KCND2: variants seen among roughly 807,000 people sequenced by gnomAD.
The protein encoded by KCND2 is potassium voltage-gated channel subfamily D member 2, also known as A-type voltage-gated potassium channel KCND2.
A neutral mutation model predicts 54.4 loss-of-function variants in KCND2; 16 were observed. The observed-to-expected ratio is 0.29, with a 90% CI of 0.20 to 0.45. The LOEUF (loss-of-function observed/expected upper bound fraction) is 0.45, where lower values mean the gene tolerates loss of function less well. KCND2 is among the 20% of genes least tolerant of loss of function. The pLI is 1.00. For missense variants in KCND2, 486 were observed against 824.2 expected, an observed-to-expected ratio of 0.59 and a Z score of 5.02; for synonymous variants, 317 against 310.7, an observed-to-expected ratio of 1.02 and a Z score of -0.21.
chr7:120,549,523 T>C (rs866827435), intron 1 of KCND2, among the ~76,000 whole-genome samples: 2 of 152,212 alleles, frequency 1.3e-5, no homozygotes, highest in Non-Finnish European at 2.9e-5. Flanking sequence ...TCATCTGTTA[T>C]TACTTAACTG....
chr7:120,572,209 G>A (rs1792374812), intron 1 of KCND2, among the ~76,000 whole-genome samples: 2 of 150,156 alleles, frequency 1.3e-5, no homozygotes, highest in African/African-American at 2.5e-5. Context: ...TTAAAATACA[G>A]CCCATTGATT....
At chr7:120,532,152 A>C (rs564380842) in intron 1 of KCND2, among the ~76,000 whole-genome samples, 2 of 152,226 alleles carry the variant, frequency 1.3e-5, no homozygotes, top group East Asian at 3.9e-4. Context: ...AATGTCAATC[A>C]TATTGTAGTT....
intron 1 of KCND2, among the ~76,000 whole-genome samples, chr7:120,517,618 T>G (rs1370714608): frequency 6.6e-6 from 1 of 152,148 alleles, no homozygotes; most frequent in Non-Finnish European, 1.5e-5. Flanking sequence ...CTCTTAAATT[T>G]GTTATGCAGA....
At chr7:120,308,522 G>A (rs1584722770) in intron 1 of KCND2, among the ~76,000 whole-genome samples, 1 of 152,300 alleles carries the variant, frequency 6.6e-6, no homozygotes, top group East Asian at 1.9e-4. Context: ...AAGGTTTCAA[G>A]TGGCCTAGGC....
At chr7:120,450,168 T>A (rs959007601) in intron 1 of KCND2, among the ~76,000 whole-genome samples, 3 of 152,192 alleles carry the variant, frequency 2.0e-5, no homozygotes, top group Admixed American at 6.5e-5. Context: ...ATCCCAGCAC[T>A]TTTTGAGGCC....
intron 1 of KCND2, among the ~76,000 whole-genome samples, chr7:120,572,277 AAG>A (rs2116428009): frequency 6.6e-6 from 1 of 152,256 alleles, no homozygotes; most frequent in Admixed American, 6.5e-5. Flanking sequence ...ATTAATGTGA[AAG>A]AAGTGAATGT....
chr7:120,401,777 T>C (rs767397869), intron 1 of KCND2, among the ~76,000 whole-genome samples: 6 of 152,192 alleles, frequency 3.9e-5, no homozygotes, highest in Non-Finnish European at 5.9e-5. Flanking sequence ...CCCTTTCCTA[T>C]AGTAGCACTT....
At chr7:120,369,095 G>A (rs1174352772) in intron 1 of KCND2, among the ~76,000 whole-genome samples, 1 of 151,856 alleles carries the variant, frequency 6.6e-6, no homozygotes, top group African/African-American at 2.4e-5. Context: ...ATGTACATGA[G>A]TTAGAGTTTG....
intron 1 of KCND2, among the ~76,000 whole-genome samples, chr7:120,505,201 G>A (rs149704331): frequency 1.4e-4 from 21 of 151,596 alleles, no homozygotes; most frequent in African/African-American, 5.1e-4. Flanking sequence ...AGTATGTCAG[G>A]TGAAGACTGG....
intron 1 of KCND2, among the ~76,000 whole-genome samples, chr7:120,503,795 G>A (rs73721404): frequency 6.6e-6 from 1 of 151,974 alleles, no homozygotes; most frequent in Admixed American, 6.6e-5. Flanking sequence ...TATTCAATTT[G>A]GGGGGAGTCA....
At chr7:120,453,716 A>G (rs920885951) in intron 1 of KCND2, among the ~76,000 whole-genome samples, 39 of 152,220 alleles carry the variant, frequency 2.6e-4, no homozygotes, top group Admixed American at 2.4e-3. Context: ...AAACGAATAT[A>G]TTAATACTAG....
intron 1 of KCND2, among the ~76,000 whole-genome samples, chr7:120,334,720 C>T (rs1800119578): frequency 6.6e-6 from 1 of 152,160 alleles, no homozygotes; most frequent in African/African-American, 2.4e-5. Context: ...CTCATCTTAA[C>T]ATTCTAGTAG....
rs575486780 is a variant in KCND2 at position 120,505,352 on chromosome 7, G to A, written c.1116-227551G>A. On this transcript the variant is annotated intron_variant, in intron 1 of 5. Coordinates refer to ENST00000331113, the MANE Select transcript of KCND2 (RefSeq NM_012281.3). ...GAGTACGAAGGAAAAAAAACAAGACGGAGAAACAGAATTTGTATTTCCTAT... is the reference window on the plus strand; with the variant it reads ...GAGTACGAAGGAAAAAAAACAAGACAGAGAAACAGAATTTGTATTTCCTAT... Among the ~76,000 whole-genome samples the A allele has an allele frequency of 3.3e-5, 5 of 151,580 alleles. No individual in the cohort carries two copies. The South Asian group carries it at 8.3e-4, about 25-fold the overall frequency.
intron 1 of KCND2, among the ~76,000 whole-genome samples, chr7:120,513,141 G>A (rs1471891843): frequency 3.3e-5 from 5 of 152,032 alleles, no homozygotes; most frequent in African/African-American, 1.2e-4. Flanking sequence ...AATGAATGGA[G>A]CAATTTTTTG....
chr7:120,712,718 G>A (rs560302749), intron 1 of KCND2, among the ~76,000 whole-genome samples: 9 of 152,206 alleles, frequency 5.9e-5, no homozygotes, highest in South Asian at 2.1e-4. Flanking sequence ...AGAAGGAAAC[G>A]AAAAGAAATA....
chr7:120,461,079 T>G (rs1227478895), intron 1 of KCND2, among the ~76,000 whole-genome samples: 6 of 152,164 alleles, frequency 3.9e-5, no homozygotes, highest in Non-Finnish European at 5.9e-5. Context: ...ATGCCAAAAT[T>G]CACAAGACAA....
At chr7:120,675,112 C>T (rs1365887982) in intron 1 of KCND2, among the ~76,000 whole-genome samples, 5 of 151,860 alleles carry the variant, frequency 3.3e-5, no homozygotes, top group African/African-American at 1.2e-4. Flanking sequence ...AATTACTCAA[C>T]TTTCTTATCT....
chr7:120,386,524 A>G (rs1380823809), intron 1 of KCND2, among the ~76,000 whole-genome samples: 1 of 152,172 alleles, frequency 6.6e-6, no homozygotes, highest in Non-Finnish European at 1.5e-5. Context: ...ACAATTACAA[A>G]TATTCTTTGG....
chr7:120,495,216 G>A (rs531707061), intron 1 of KCND2, among the ~76,000 whole-genome samples: 28 of 152,082 alleles, frequency 1.8e-4, no homozygotes, highest in Non-Finnish European at 3.7e-4. Flanking sequence ...TATTCTATAA[G>A]AGTAGGTAAT....
Sources: gnomAD v4.1 joint callset for allele counts (sites outside exome capture counted in the v4.1 genomes callset) on GRCh38, gnomAD v4.1.1 for gene constraint, MANE v1.5 for transcripts, NCBI Gene and HGNC (gene_info 2026-07-23, HGNC 2026-07-21) for gene names.